The following TRIM40 variants were observed in gnomAD, a reference collection of about 807,000 sequenced individuals.
TRIM40 encodes the protein tripartite motif containing 40, also known as E3 ubiquitin ligase TRIM40.
A neutral mutation model predicts 26.1 loss-of-function variants in TRIM40; 27 were observed. The observed-to-expected ratio is 1.04, with a 90% CI of 0.76 to 1.43. The LOEUF (loss-of-function observed/expected upper bound fraction) is 1.43. TRIM40 is among the 40% of genes most tolerant of loss of function. The pLI is 0.00. For missense variants in TRIM40, 289 were observed against 307.9 expected (o/e 0.94, Z 0.46); for synonymous variants, 114 against 120.0 (o/e 0.95, Z 0.33).
rs368171964 is a variant in TRIM40 at position 30,137,030 on chromosome 6, C to T, written c.-7C>T. 1.4e-5 allele frequency: 23 copies of T among 1,610,446 alleles called. No homozygotes were observed. The highest frequency in any genetic ancestry group is 1.2e-4 in the Admixed American group (7 of 59,944). On this transcript the variant is annotated 5_prime_UTR_variant, in exon 2 of 6. The change creates a new upstream start codon in the 5' untranslated region. Transcript: ENST00000396581. Reference sequence around the variant, plus strand: ...AAACAGGAGGCTGACAGGGTAGGAACGAGGCCATGATCCCTTTGCAGAAGG... The same window carrying T: ...AAACAGGAGGCTGACAGGGTAGGAATGAGGCCATGATCCCTTTGCAGAAGG...
chr6:30,147,703 T>C, intron 5 of TRIM40, 22 bp from the exon 6 acceptor site: 3 of 1,612,042 alleles, frequency 1.9e-6, no homozygotes, highest in Non-Finnish European at 2.5e-6. Flanking sequence ...TATTAATCTA[T>C]GAAAGATTTC....
chr6:30,141,934 A>G (rs998770224), intron 2 of TRIM40, among the ~76,000 whole-genome samples: 14 of 152,212 alleles, frequency 9.2e-5, no homozygotes, highest in African/African-American at 3.4e-4. Context: ...GAGGACAGAC[A>G]GCAAACAAGA....
intron 3 of TRIM40, among the ~76,000 whole-genome samples, chr6:30,146,654 G>T (rs369664562): frequency 6.6e-6 from 1 of 152,058 alleles, no homozygotes; most frequent in Non-Finnish European, 1.5e-5. Context: ...CTCGTGATCC[G>T]CCCGCCTTGG....
At chr6:30,145,788 C>T (rs554527224) in intron 2 of TRIM40, among the ~76,000 whole-genome samples, 9 of 152,170 alleles carry the variant, frequency 5.9e-5, no homozygotes, top group Non-Finnish European at 1.3e-4. Flanking sequence ...AAAAATTACC[C>T]ATTACTATTT....
Position 30,147,978 on chromosome 6 carries a change from GACCCTCTGACTCT to G in TRIM40, c.*167_*179del. On this transcript the variant is annotated 3_prime_UTR_variant, in exon 6 of 6. Transcript: ENST00000396581. ...TGTCCACAGTCATCACCTGATGCCT[GACCCTCTGACTCT>G]TGGACGATAGCCAGCCTCCTTCCAG... 1 of 625,210 alleles carries G rather than the reference GACCCTCTGACTCT, an allele frequency of 1.6e-6. No individual in the cohort carries two copies. The highest frequency in any genetic ancestry group is 2.8e-6 in the Non-Finnish European group (1 of 353,344). The allele number at this position is 625,210 out of a possible 1,614,324, so 38.7% of individuals were successfully genotyped here.
intron 2 of TRIM40, among the ~76,000 whole-genome samples, chr6:30,140,608 T>C (rs1034434717): frequency 2.0e-5 from 3 of 152,020 alleles, no homozygotes; most frequent in Non-Finnish European, 4.4e-5. Context: ...TTAGGAGAAA[T>C]ACCTAACGTG....
At chr6:30,143,508 G>A (rs1771473774) in intron 2 of TRIM40, among the ~76,000 whole-genome samples, 1 of 148,442 alleles carries the variant, frequency 6.7e-6, no homozygotes, top group Non-Finnish European at 1.5e-5. Flanking sequence ...CATTGTGTTA[G>A]CAAGTTGTTT....
chr6:30,138,123 A>G (rs1771129284), intron 2 of TRIM40, among the ~76,000 whole-genome samples: 1 of 152,052 alleles, frequency 6.6e-6, no homozygotes, highest in South Asian at 2.1e-4. Context: ...TTTTTTCTGT[A>G]ACTCATTTTT....
intron 2 of TRIM40, among the ~76,000 whole-genome samples, chr6:30,142,812 G>A (rs968237484): frequency 2.6e-4 from 39 of 150,704 alleles, no homozygotes; most frequent in African/African-American, 8.8e-4. Context: ...CCACATTTAC[G>A]TGTTGTTTCT....
intron 2 of TRIM40, among the ~76,000 whole-genome samples, chr6:30,138,207 G>A (rs1010092243): frequency 2.6e-5 from 4 of 152,162 alleles, no homozygotes; most frequent in African/African-American, 7.2e-5. Context: ...CAAGAACTGT[G>A]TGGTATTAAA....
At chr6:30,146,174 T>A in intron 3 of TRIM40, 85 bp downstream of exon 3, 1 of 1,164,502 alleles carries the variant, frequency 8.6e-7, no homozygotes. Context: ...TGTCTGTCCC[T>A]GGAACAGCCT....
At chr6:30,141,440 G>T (rs1771338305) in intron 2 of TRIM40, among the ~76,000 whole-genome samples, 1 of 152,208 alleles carries the variant, frequency 6.6e-6, no homozygotes. Flanking sequence ...CCGTCATTTA[G>T]ATGTAGGCAG....
chr6:30,139,638 A>C (rs1289088099), intron 2 of TRIM40, among the ~76,000 whole-genome samples: 1 of 152,144 alleles, frequency 6.6e-6, no homozygotes, highest in African/African-American at 2.4e-5. Flanking sequence ...GGAAGAAAAT[A>C]AACAAGGGTC....
At chr6:30,147,675 A>G in intron 5 of TRIM40, 50 bp from the exon 6 acceptor site, 1 of 1,603,600 alleles carries the variant, frequency 6.2e-7, no homozygotes. Context: ...GGAAGAGCCA[A>G]TGGAATATAT....
chr6:30,146,465 G>A (rs937339862), intron 3 of TRIM40, among the ~76,000 whole-genome samples: 1 of 151,522 alleles, frequency 6.6e-6, no homozygotes, highest in African/African-American at 2.4e-5. Flanking sequence ...AGGCTGGAGT[G>A]CAGTGGCACG....
intron 2 of TRIM40, among the ~76,000 whole-genome samples, chr6:30,144,201 G>C (rs1465039868): frequency 1.3e-5 from 2 of 152,110 alleles, no homozygotes; most frequent in South Asian, 2.1e-4. Flanking sequence ...GCTTATCTTT[G>C]TTGCTGAGAA....
In TRIM40 at chr6:30,136,852, C is replaced by A. The variant is rs1377097305; in HGVS notation, c.-185C>A. 4.9e-6 allele frequency: 3 copies of A among 607,024 alleles called. No homozygotes were observed. The highest frequency in any genetic ancestry group is 3.7e-5 in the African/African-American group (2 of 53,994). The allele number at this position is 607,024 out of a possible 1,614,324, so 37.6% of individuals were successfully genotyped here. On this transcript the variant is annotated 5_prime_UTR_variant, in exon 2 of 6. Coordinates refer to ENST00000396581, the MANE Select transcript of TRIM40 (RefSeq NM_001286633.2). Reference sequence around the variant, plus strand: ...GTGGTTTGTGTGGTCTATGTCACGGCACCCTTGAGGGAGAGTGGGCAATTG... The same window carrying A: ...GTGGTTTGTGTGGTCTATGTCACGGAACCCTTGAGGGAGAGTGGGCAATTG...
At chr6:30,146,163 C>A in intron 3 of TRIM40, 74 bp downstream of exon 3, 1 of 1,245,268 alleles carries the variant, frequency 8.0e-7, no homozygotes, top group South Asian at 1.3e-5. Context: ...TTCTGGACAT[C>A]TGTCTGTCCC....
chr6:30,142,024 T>C (rs1385537371), intron 2 of TRIM40, among the ~76,000 whole-genome samples: 2 of 152,182 alleles, frequency 1.3e-5, no homozygotes, highest in African/African-American at 4.8e-5. Flanking sequence ...GTTGAGTATA[T>C]TTCTGAAGAA....
Sources: allele counts gnomAD v4.1 joint callset (sites outside exome capture counted in the v4.1 genomes callset), GRCh38; gene constraint gnomAD v4.1.1; transcripts MANE v1.5; gene names NCBI Gene and HGNC (gene_info 2026-07-23, HGNC 2026-07-21).